ZNF608: variants seen among roughly 807,000 people sequenced by gnomAD.
ZNF608 encodes renal carcinoma antigen NY-REN-36.
In ZNF608, 12 loss-of-function variants were observed where a neutral mutation model predicts 109.0. That is an observed-to-expected ratio of 0.11 (90% CI 0.07 to 0.18). ZNF608 has a LOEUF of 0.18. ZNF608 is among the 10% of genes least tolerant of loss of function. ZNF608 has a pLI of 1.00. For synonymous variants in ZNF608, 732 were observed against 717.4 expected (o/e 1.02, Z -0.33); for missense variants, 1,707 against 1,879.3 (o/e 0.91, Z 1.70).
In ZNF608 at chr5:124,743,103, G is replaced by C. The variant is rs1400646807; in HGVS notation, c.906+981C>G. ...GTCTATGACTAAGCAGCAAAACATG[G>C]TGTGGGTGTCGGGGCAGGCAGTTCT... is the stretch of plus-strand genomic sequence containing the variant. On this transcript the variant is annotated intron_variant, in intron 2 of 9. Coordinates refer to ENST00000513986, the MANE Select transcript of ZNF608 (RefSeq NM_020747.3). Among the ~76,000 whole-genome samples the C allele has an allele frequency of 1.3e-5, 2 of 152,284 alleles. 1 individual carries two copies. The highest frequency in any genetic ancestry group is 3.9e-4 in the East Asian group (2 of 5,186).
Position 124,648,130 on chromosome 5 carries a change from T to G in ZNF608, c.2254A>C (p.Ile752Leu), listed in dbSNP as rs1252308301. The G allele has an allele frequency of 6.2e-7, 1 of 1,613,950 alleles. No individual in the cohort carries two copies. The highest frequency in any genetic ancestry group is 8.5e-7 in the Non-Finnish European group (1 of 1,179,966). The part of the protein sequence containing the change: ...PAPTPPQLIA[I>L]PTATFTTTTT... ...GTCGTTGTAAAGGTTGCAGTGGGTA[T>G]AGCGATTAGCTGCGGGGGAGTGGGG... The change falls in exon 5 of 10, where the codon ATA becomes CTA. Residue 752 changes from isoleucine to leucine, a missense_variant. This residue lies in a region of ZNF608 where 1,073 missense variants were observed against 1,133.5 expected (regional missense o/e 0.95). Coordinates refer to ENST00000513986, the MANE Select transcript of ZNF608 (RefSeq NM_020747.3).
At chr5:124,735,366 C>CCGGCTGCACGCCCT (rs1352088133) in intron 2 of ZNF608, among the ~76,000 whole-genome samples, 1 of 152,184 alleles carries the variant, frequency 6.6e-6, no homozygotes. Context: ...GGGCGCGTTC[C>CCGGCTGCACGCCCT]CGGCTGCACG....
At chr5:124,726,662 T>TAAA (rs142658513) in intron 2 of ZNF608, among the ~76,000 whole-genome samples, 1 of 135,568 alleles carries the variant, frequency 7.4e-6, no homozygotes, top group Non-Finnish European at 1.6e-5. Flanking sequence ...AAGATTTGTT[T>TAAA]AAAAAAAAAA....
At chr5:124,715,160 ACC>A (rs757237337) in intron 2 of ZNF608, among the ~76,000 whole-genome samples, 10 of 152,190 alleles carry the variant, frequency 6.6e-5, no homozygotes, top group Non-Finnish European at 1.2e-4. Flanking sequence ...AAATGAAACA[ACC>A]TCTATGAAAA....
At chr5:124,675,970 C>A (rs1405762050) in intron 3 of ZNF608, among the ~76,000 whole-genome samples, 1 of 152,134 alleles carries the variant, frequency 6.6e-6, no homozygotes, top group Non-Finnish European at 1.5e-5. Flanking sequence ...GAGGTAGTAT[C>A]TCTGCCAAGA....
At chr5:124,709,197 A>AAAAAAAAAAAC (rs1561575420) in intron 2 of ZNF608, among the ~76,000 whole-genome samples, 1 of 150,496 alleles carries the variant, frequency 6.6e-6, no homozygotes, top group Non-Finnish European at 1.5e-5. Flanking sequence ...AAAAAAAAAA[A>AAAAAAAAAAAC]ATCTGGGTTC....
chr5:124,735,660 A>G (rs1402292817), intron 2 of ZNF608, among the ~76,000 whole-genome samples: 1 of 152,242 alleles, frequency 6.6e-6, no homozygotes, highest in Non-Finnish European at 1.5e-5. Context: ...GTTTGGAAAC[A>G]GCTGCTCCCT....
In ZNF608 at chr5:124,746,280, TTTAC is replaced by T; in HGVS notation, c.-273_-270del. 6.1e-6 allele frequency: 6 copies of T among 985,390 alleles called. No individual in the cohort carries two copies. The highest frequency in any genetic ancestry group is 7.2e-6 in the Non-Finnish European group (6 of 829,916). 61.0% of individuals were successfully genotyped at this position (985,390 alleles called of 1,614,324 possible). A position where few individuals can be genotyped will look rare whatever the true frequency, so the allele number is the denominator to read the frequency against. On this transcript the variant is annotated 5_prime_UTR_variant, in exon 1 of 10. An upstream open reading frame in the 5' UTR gains an earlier in-frame stop. Coordinates refer to ENST00000513986, the MANE Select transcript of ZNF608 (RefSeq NM_020747.3). ...CTCGGCAAACAAGCCTGTGCCTCATTTTACTTAAACACCAAATGATCAAGAAGGA... is the reference window on the plus strand; with the variant it reads ...CTCGGCAAACAAGCCTGTGCCTCATTTTAAACACCAAATGATCAAGAAGGA...
chr5:124,672,014 A>C (rs1175281136), intron 3 of ZNF608, among the ~76,000 whole-genome samples: 5 of 152,248 alleles, frequency 3.3e-5, no homozygotes, highest in African/African-American at 1.2e-4. Context: ...AGAGAAAAAA[A>C]GAATCAAATA....
intron 2 of ZNF608, among the ~76,000 whole-genome samples, chr5:124,719,473 C>T (rs1381239177): frequency 6.6e-6 from 1 of 152,202 alleles, no homozygotes; most frequent in Non-Finnish European, 1.5e-5. Flanking sequence ...ACTATATTTA[C>T]AAAGTGTTTT....
At chr5:124,670,333 CTT>C (rs199562758) in intron 3 of ZNF608, among the ~76,000 whole-genome samples, 2 of 147,516 alleles carry the variant, frequency 1.4e-5, no homozygotes, top group South Asian at 2.1e-4. Context: ...CTTTTTCTTT[CTT>C]TCTTTTTTTT....
chr5:124,669,044 G>C (rs1751601224), intron 3 of ZNF608, among the ~76,000 whole-genome samples: 1 of 152,040 alleles, frequency 6.6e-6, no homozygotes, highest in African/African-American at 2.4e-5. Context: ...AGGGCATACT[G>C]CTAAAATATA....
At position 124,701,261 on chromosome 5, in the gene ZNF608, G is replaced by T; in HGVS notation, c.915C>A (p.Pro305=). 1 of 1,614,016 alleles carries T rather than the reference G, an allele frequency of 6.2e-7. No individual in the cohort carries two copies. Among genetic ancestry groups the T allele is most frequent in the Non-Finnish European group, 8.5e-7 (1 of 1,179,932 alleles). ...GTGGTGGCGCTGGCACTGTAAACAG[G>T]GGGTCAACCTGAAAGACAGACAGGC... is the stretch of plus-strand genomic sequence containing the variant. ...IKKLKTEKVD[P]LFTVPAPPPP... The change falls in exon 3 of 10, where the codon CCC becomes CCA. Residue 305 remains proline, a synonymous_variant. Coordinates refer to ENST00000513986, the MANE Select transcript of ZNF608 (RefSeq NM_020747.3).
At chr5:124,676,444 C>T (rs1018208415) in intron 3 of ZNF608, among the ~76,000 whole-genome samples, 1 of 152,302 alleles carries the variant, frequency 6.6e-6, no homozygotes. Flanking sequence ...CTATTAAGAG[C>T]AGACAAACAA....
At chr5:124,680,596 A>G (rs1752152445) in intron 3 of ZNF608, among the ~76,000 whole-genome samples, 1 of 152,170 alleles carries the variant, frequency 6.6e-6, no homozygotes, top group Non-Finnish European at 1.5e-5. Context: ...TAGAATTTCA[A>G]ACTAGCTTCT....
chr5:124,681,727 G>T (rs1752205279), intron 3 of ZNF608, among the ~76,000 whole-genome samples: 1 of 152,200 alleles, frequency 6.6e-6, no homozygotes. Flanking sequence ...TAGCCTAGGT[G>T]AAGGAACAAG....
chr5:124,669,234 A>T (rs1363556480), intron 3 of ZNF608, among the ~76,000 whole-genome samples: 3 of 152,168 alleles, frequency 2.0e-5, no homozygotes, highest in Non-Finnish European at 4.4e-5. Flanking sequence ...CCGAAATCAC[A>T]TTACAAAATA....
chr5:124,738,948 A>G (rs902837172), intron 2 of ZNF608, among the ~76,000 whole-genome samples: 2 of 152,238 alleles, frequency 1.3e-5, no homozygotes, highest in African/African-American at 2.4e-5. Context: ...TGCTACTTTT[A>G]AGAATGCAAA....
intron 7 of ZNF608, among the ~76,000 whole-genome samples, chr5:124,642,233 A>G (rs1750274798): frequency 6.6e-6 from 1 of 152,190 alleles, no homozygotes; most frequent in African/African-American, 2.4e-5. Context: ...TCTCTTCACA[A>G]CAGTCTCTAG....
Sources: allele counts gnomAD v4.1 joint callset (sites outside exome capture counted in the v4.1 genomes callset), GRCh38; gene constraint gnomAD v4.1.1; regional missense constraint gnomAD v4.1.1; transcripts MANE v1.5; gene names NCBI Gene and HGNC (gene_info 2026-07-23, HGNC 2026-07-21).